The following MKX variants were observed in gnomAD, a reference collection of about 807,000 sequenced individuals.
MKX encodes the protein mohawk homeobox.
In MKX, 13 loss-of-function variants were observed where a neutral mutation model predicts 36.0. The observed-to-expected ratio is 0.36, with a 90% CI of 0.24 to 0.57. MKX has a LOEUF of 0.57. Among genes scored for constraint, MKX ranks in the 20% least tolerant of loss-of-function variants. The pLI is 0.79. For missense variants in MKX, 458 were observed against 456.4 expected, an observed-to-expected ratio of 1.00 and a Z score of -0.03; for synonymous variants, 176 against 178.3, an observed-to-expected ratio of 0.99 and a Z score of 0.10.
At chr10:27,701,448 A>G (rs915582629) in intron 5 of MKX, among the ~76,000 whole-genome samples, 4 of 146,828 alleles carry the variant, frequency 2.7e-5, no homozygotes, top group South Asian at 2.1e-4. Context: ...ATACATAAGT[A>G]TATAAAAGAT....
chr10:27,743,099 C>T (rs1451476004), intron 2 of MKX, 129 bp downstream of exon 2: 13 of 871,328 alleles, frequency 1.5e-5, no homozygotes, highest in Middle Eastern at 7.2e-4. Context: ...AGGGGCAGAC[C>T]TGCACTCCCA....
intron 5 of MKX, among the ~76,000 whole-genome samples, chr10:27,702,416 A>T (rs772018527): frequency 2.3e-4 from 35 of 152,214 alleles, no homozygotes; most frequent in Non-Finnish European, 4.4e-4. Context: ...TGAAGGAGTG[A>T]AGCCACTTGC....
intron 5 of MKX, among the ~76,000 whole-genome samples, chr10:27,688,630 C>A (rs948585940): frequency 1.3e-5 from 2 of 152,202 alleles, no homozygotes; most frequent in Non-Finnish European, 2.9e-5. Context: ...GCATGAATAA[C>A]TTCTGTGTGT....
intron 5 of MKX, among the ~76,000 whole-genome samples, chr10:27,725,784 C>T (rs1834475577): frequency 6.6e-6 from 1 of 151,838 alleles, no homozygotes; most frequent in Non-Finnish European, 1.5e-5. Context: ...AATCTTAGGC[C>T]ACAGAAGCAT....
chr10:27,678,312 C>G (rs1343949501), intron 5 of MKX, among the ~76,000 whole-genome samples: 1 of 152,274 alleles, frequency 6.6e-6, no homozygotes, highest in South Asian at 2.1e-4. Flanking sequence ...ATGAGTTAGG[C>G]CTTTGCTCCG....
rs1344897818 is a variant in MKX at position 27,741,694 on chromosome 10, C to A, written c.189-190G>T. On this transcript the variant is annotated intron_variant, in intron 2 of 6. Coordinates refer to ENST00000419761, the MANE Select transcript of MKX (RefSeq NM_173576.3). The surrounding 1 kb of genome is among the most constrained non-coding windows in gnomAD (Gnocchi z 5.1). ...CCACACAGTTTCTGGATGGGGAGAT[C>A]ATTTCGATAGGTTTATCTTGAATAG... is the stretch of plus-strand genomic sequence containing the variant. Among the ~76,000 whole-genome samples the A allele has an allele frequency of 6.6e-6, 1 of 152,240 alleles. No homozygotes were observed. Among genetic ancestry groups the A allele is most frequent in the Non-Finnish European group, 1.5e-5 (1 of 68,036 alleles).
At chr10:27,727,189 T>C (rs1338157498) in intron 5 of MKX, among the ~76,000 whole-genome samples, 1 of 152,168 alleles carries the variant, frequency 6.6e-6, no homozygotes, top group East Asian at 1.9e-4. Context: ...ATCTGTACAG[T>C]TTCTAGGCTA....
chr10:27,738,408 G>A (rs1834823957), intron 3 of MKX, among the ~76,000 whole-genome samples: 1 of 151,984 alleles, frequency 6.6e-6, no homozygotes, highest in South Asian at 2.1e-4. Context: ...ATCTACTATG[G>A]ATTCCTTCGG....
intron 5 of MKX, among the ~76,000 whole-genome samples, chr10:27,721,764 A>G (rs1019592423): frequency 1.8e-4 from 27 of 152,328 alleles, no homozygotes; most frequent in African/African-American, 6.5e-4. Flanking sequence ...CATCCTGCAC[A>G]TGTATCCCAG....
chr10:27,717,528 C>T (rs1469945781), intron 5 of MKX, among the ~76,000 whole-genome samples: 2 of 152,190 alleles, frequency 1.3e-5, no homozygotes, highest in Non-Finnish European at 2.9e-5. Context: ...TTCTCTTGCC[C>T]TTCTTAGCTG....
At chr10:27,722,319 C>T (rs1225003942) in intron 5 of MKX, among the ~76,000 whole-genome samples, 1 of 152,182 alleles carries the variant, frequency 6.6e-6, no homozygotes, top group African/African-American at 2.4e-5. Context: ...ATGTCCCTGT[C>T]TTGTGGCTCA....
chr10:27,687,186 T>C (rs1457229533), intron 5 of MKX, among the ~76,000 whole-genome samples: 1 of 152,098 alleles, frequency 6.6e-6, no homozygotes, highest in African/African-American at 2.4e-5. Flanking sequence ...TTTGTATTTT[T>C]AGTAGAGACG....
Position 27,674,397 on chromosome 10 carries a change from G to A in MKX, c.*832C>T, listed in dbSNP as rs778204457. ...AGACAGTGAGCTCTAATGCAAACAGGATTATGTTTTAAAACTACAGGTTTA... is the reference window on the plus strand; with the variant it reads ...AGACAGTGAGCTCTAATGCAAACAGAATTATGTTTTAAAACTACAGGTTTA... On this transcript the variant is annotated 3_prime_UTR_variant, in exon 7 of 7. Transcript: ENST00000419761. 1.3e-5 allele frequency: 2 copies of A among 152,446 alleles called. No homozygotes were observed. The highest frequency in any genetic ancestry group is 2.9e-5 in the Non-Finnish European group (2 of 67,996). The allele number at this position is 152,446 out of a possible 1,614,324, so 9.4% of individuals were successfully genotyped here.
At chr10:27,726,014 T>C (rs923059868) in intron 5 of MKX, among the ~76,000 whole-genome samples, 5 of 152,116 alleles carry the variant, frequency 3.3e-5, no homozygotes, top group Non-Finnish European at 5.9e-5. Flanking sequence ...CAGTCTTAAA[T>C]ATAGTGACAT....
intron 3 of MKX, among the ~76,000 whole-genome samples, chr10:27,739,516 GCCT>G (rs2132650876): frequency 6.6e-6 from 1 of 152,104 alleles, no homozygotes; most frequent in South Asian, 2.1e-4. Context: ...AAATGTAATA[GCCT>G]TACCAAGATC....
At chr10:27,724,284 C>T (rs1038865241) in intron 5 of MKX, among the ~76,000 whole-genome samples, 1 of 152,112 alleles carries the variant, frequency 6.6e-6, no homozygotes, top group African/African-American at 2.4e-5. Context: ...AGTCAGTGGG[C>T]AAGTGGCAGT....
intron 5 of MKX, among the ~76,000 whole-genome samples, chr10:27,712,621 G>A (rs1338020213): frequency 1.2e-4 from 18 of 152,178 alleles, no homozygotes; most frequent in Admixed American, 1.2e-3. Context: ...GGGCACTAAA[G>A]AATGAAGACA....
At chr10:27,701,838 T>G (rs1836664355) in intron 5 of MKX, among the ~76,000 whole-genome samples, 1 of 148,492 alleles carries the variant, frequency 6.7e-6, no homozygotes, top group Non-Finnish European at 1.5e-5. Flanking sequence ...TATATATATA[T>G]ATATATATAC....
intron 1 of MKX, 71 bp from the exon 2 acceptor site, chr10:27,743,568 G>C: frequency 1.2e-6 from 1 of 842,660 alleles, no homozygotes; most frequent in East Asian, 3.4e-5. Flanking sequence ...TCAGGGCCTT[G>C]AACTTGGCCG....
Sources: allele counts gnomAD v4.1 joint callset (sites outside exome capture counted in the v4.1 genomes callset), GRCh38; gene constraint gnomAD v4.1.1; non-coding constraint Gnocchi (gnomAD v3.1); transcripts MANE v1.5; gene names NCBI Gene and HGNC (gene_info 2026-07-23, HGNC 2026-07-21).